FAM200B: variants seen among roughly 807,000 people sequenced by gnomAD.
FAM200B encodes the protein protein FAM200B.
FAM200B carries 32 observed loss-of-function variants against 33.1 expected under a neutral mutation model. The ratio of observed to expected loss-of-function variants is 0.97; its 90% confidence interval spans 0.73 to 1.30. The LOEUF is 1.30. FAM200B is among the 50% of genes most tolerant of loss of function. The pLI is 0.00. For missense variants in FAM200B, 741 were observed against 754.0 expected (o/e 0.98, Z 0.20); for synonymous variants, 240 against 264.8 (o/e 0.91, Z 0.91).
chr4:15,674,683 T>C, the FAM200B span, among the ~76,000 whole-genome samples: 1 of 151,076 alleles, frequency 6.6e-6, no homozygotes, highest in Admixed American at 6.6e-5. Context: ...AGAGTCTCAC[T>C]CTGTCGCCCA....
chr4:15,645,168 G>A, the FAM200B span, among the ~76,000 whole-genome samples: 1 of 151,800 alleles, frequency 6.6e-6, no homozygotes, highest in Non-Finnish European at 1.5e-5. Context: ...TTCCTAAAAT[G>A]GAACATAATC....
At chr4:15,652,535 G>A in the FAM200B span, among the ~76,000 whole-genome samples, 6 of 152,004 alleles carry the variant, frequency 3.9e-5, no homozygotes, top group African/African-American at 1.5e-4. Context: ...TATTAAATCG[G>A]GTATTGTACA....
Position 15,687,639 on chromosome 4 carries a change from C to G in FAM200B, c.662C>G (p.Ser221Cys), listed in dbSNP as rs770242469. 22 of 1,550,954 alleles carry G rather than the reference C, an allele frequency of 1.4e-5. No homozygotes were observed. In the South Asian group the frequency reaches 2.6e-4, roughly 18 times the overall value. ...ACAATGCTTATTACTCGTTTACAGTCTGGTATAGATTTTGCAATCCAGCTT... is the reference window on the plus strand; with the variant it reads ...ACAATGCTTATTACTCGTTTACAGTGTGGTATAGATTTTGCAATCCAGCTT... ...LETMLITRLQSGIDFAIQLDE... is the reference protein window; with the variant it reads ...LETMLITRLQCGIDFAIQLDE... The change falls in exon 2 of 2, where the codon TCT (serine) becomes TGT (cysteine). Residue 221 changes from serine (S) to cysteine (C), a missense_variant. By Grantham distance (112) the Ser-to-Cys change is moderately radical (BLOSUM62 -1). Transcript: ENST00000422728.
the FAM200B span, among the ~76,000 whole-genome samples, chr4:15,637,380 A>C: frequency 1.4e-4 from 22 of 152,220 alleles, no homozygotes; most frequent in Admixed American, 3.3e-4. Context: ...CCAAAATAAA[A>C]ATGAAAATGA....
At chr4:15,640,046 GTTTA>G in the FAM200B span, among the ~76,000 whole-genome samples, 1 of 151,984 alleles carries the variant, frequency 6.6e-6, no homozygotes, top group Non-Finnish European at 1.5e-5. Flanking sequence ...AAATGTTTTT[GTTTA>G]TTTGTTTGGA....
chr4:15,685,292 C>A (rs1718731803), intron 1 of FAM200B, among the ~76,000 whole-genome samples: 1 of 152,078 alleles, frequency 6.6e-6, no homozygotes, highest in Admixed American at 6.6e-5. Flanking sequence ...TGCAAGGGTG[C>A]CATACCTAGA....
At chr4:15,679,570 A>AC (rs950520258), upstream of FAM200B, among the ~76,000 whole-genome samples, 17 of 151,542 alleles carry the variant, frequency 1.1e-4, no homozygotes, top group African/African-American at 3.6e-4. Flanking sequence ...AACAAAAAAA[A>AC]AAAAAAACAA....
At chr4:15,645,312 T>C in the FAM200B span, among the ~76,000 whole-genome samples, 4 of 152,148 alleles carry the variant, frequency 2.6e-5, no homozygotes, top group Admixed American at 2.0e-4. Context: ...CTATAAAAAG[T>C]AGTGCGGATT....
At chr4:15,683,991 T>TA (rs1325298561) in intron 1 of FAM200B, among the ~76,000 whole-genome samples, 5 of 152,274 alleles carry the variant, frequency 3.3e-5, no homozygotes, top group African/African-American at 1.2e-4. Flanking sequence ...ACCGTGTTAA[T>TA]GCACCTTGGT....
chr4:15,677,363 A>C (rs1718032289), upstream of FAM200B, among the ~76,000 whole-genome samples: 1 of 152,174 alleles, frequency 6.6e-6, no homozygotes, highest in Non-Finnish European at 1.5e-5. Flanking sequence ...ACTTCATAAT[A>C]TATCCCTTTC....
the FAM200B span, among the ~76,000 whole-genome samples, chr4:15,670,805 AC>A: frequency 6.6e-6 from 1 of 151,570 alleles, no homozygotes; most frequent in African/African-American, 2.4e-5. Context: ...GCCTGACTTA[AC>A]TTCCTTTAAC....
the FAM200B span, among the ~76,000 whole-genome samples, chr4:15,669,461 A>G: frequency 6.6e-6 from 1 of 152,170 alleles, no homozygotes; most frequent in South Asian, 2.1e-4. Flanking sequence ...TAGAATATCT[A>G]TTGCTAGATA....
upstream of FAM200B, among the ~76,000 whole-genome samples, chr4:15,680,909 T>A (rs1718222964): frequency 6.7e-6 from 1 of 148,774 alleles, no homozygotes; most frequent in Non-Finnish European, 1.5e-5. Flanking sequence ...GCAGTATATA[T>A]TATATATATA....
the FAM200B span, among the ~76,000 whole-genome samples, chr4:15,652,781 T>C: frequency 2.0e-5 from 3 of 152,226 alleles, no homozygotes; most frequent in African/African-American, 7.2e-5. Flanking sequence ...TTCTTGATAA[T>C]AACTGGGCAT....
chr4:15,679,779 G>C (rs1577526481), upstream of FAM200B, among the ~76,000 whole-genome samples: 1 of 147,192 alleles, frequency 6.8e-6, no homozygotes, highest in Admixed American at 6.8e-5. Context: ...AAAAAAAAAA[G>C]CAGTATGTCT....
upstream of FAM200B, among the ~76,000 whole-genome samples, chr4:15,679,764 C>T (rs1196351389): frequency 6.7e-6 from 1 of 149,478 alleles, no homozygotes; most frequent in African/African-American, 2.4e-5. Flanking sequence ...TTCCAATCCC[C>T]CTAAAAAAAA....
chr4:15,641,400 C>A, the FAM200B span: 1 of 352,652 alleles, frequency 2.8e-6, no homozygotes, highest in Non-Finnish European at 5.4e-6. Flanking sequence ...TCCTCCTCAG[C>A]CTACTCAATG....
rs73224652 is a variant in FAM200B, at chr4:15,686,676, G to A, written c.-302G>A. The A allele has an allele frequency of 5.7e-4, 103 of 181,852 alleles. No individual in the cohort carries two copies. Among genetic ancestry groups the A allele is most frequent in the African/African-American group, 2.3e-3 (97 of 42,756 alleles). 11.3% of individuals were successfully genotyped at this position (181,852 alleles called of 1,614,324 possible). A position where few individuals can be genotyped will look rare whatever the true frequency, so the allele number is the denominator to read the frequency against. On this transcript the variant is annotated 5_prime_UTR_variant, in exon 2 of 2. Coordinates refer to ENST00000422728, the MANE Select transcript of FAM200B (RefSeq NM_001145191.2). ...AATGCTGAGGTCAATTTCAATATGCGAGAGGGGTATTTGATGGAGGAGATA... is the reference window on the plus strand; with the variant it reads ...AATGCTGAGGTCAATTTCAATATGCAAGAGGGGTATTTGATGGAGGAGATA...
chr4:15,644,384 T>C, the FAM200B span: 1 of 878,142 alleles, frequency 1.1e-6, no homozygotes, highest in Non-Finnish European at 1.8e-6. Flanking sequence ...GACAAAATAA[T>C]TTTTTTCAAC....
Sources: gnomAD v4.1 joint callset for allele counts (sites outside exome capture counted in the v4.1 genomes callset) on GRCh38, gnomAD v4.1.1 for gene constraint, MANE v1.5 for transcripts, NCBI Gene and HGNC (gene_info 2026-07-23, HGNC 2026-07-21) for gene names.